CSMD3: variants seen among roughly 807,000 people sequenced by gnomAD.
The protein encoded by CSMD3 is CUB and Sushi multiple domains 3.
A neutral mutation model predicts 435.2 loss-of-function variants in CSMD3; 177 were observed. The ratio of observed to expected loss-of-function variants is 0.41; its 90% CI spans 0.36 to 0.46. CSMD3 has a LOEUF of 0.46. Among genes scored for constraint, CSMD3 ranks in the 20% least tolerant of loss-of-function variants. The probability of loss-of-function intolerance (pLI) is 0.34; values close to 1 mark genes in which losing one functional copy is unlikely to be tolerated. For synonymous variants in CSMD3, 1,656 were observed against 1,520.5 expected (o/e 1.09, Z -2.07); for missense variants, 4,265 against 4,504.6 (o/e 0.95, Z 1.52).
intron 30 of CSMD3, among the ~76,000 whole-genome samples, chr8:112,498,184 G>C (rs200502419): frequency 6.6e-6 from 1 of 151,962 alleles, no homozygotes; most frequent in African/African-American, 2.4e-5. Context: ...GTAAAATGGG[G>C]ATAGCAATAC....
chr8:112,995,453 T>C (rs1341163052), intron 6 of CSMD3, among the ~76,000 whole-genome samples: 3 of 151,476 alleles, frequency 2.0e-5, no homozygotes, highest in African/African-American at 7.3e-5. Flanking sequence ...AGTTCTAGTA[T>C]CAGAAATTTA....
chr8:112,370,082 AAGT>A (rs377246718), intron 38 of CSMD3, among the ~76,000 whole-genome samples: 59 of 103,538 alleles, frequency 5.7e-4, no homozygotes, highest in South Asian at 1.9e-3. Context: ...GAAGAAGAAG[AAGT>A]AGTAGTAGTA....
chr8:112,736,847 A>G (rs1361817754), intron 13 of CSMD3, among the ~76,000 whole-genome samples: 1 of 151,968 alleles, frequency 6.6e-6, no homozygotes, highest in African/African-American at 2.4e-5. Flanking sequence ...ACAATGGGAG[A>G]AAATCTCTGG....
At chr8:113,172,825 A>T (rs1199186377) in intron 4 of CSMD3, among the ~76,000 whole-genome samples, 1 of 152,160 alleles carries the variant, frequency 6.6e-6, no homozygotes, top group Non-Finnish European at 1.5e-5. Flanking sequence ...CTTACTAAGG[A>T]AAAAAAGAAG....
chr8:112,639,131 A>G (rs1415737150), intron 20 of CSMD3, among the ~76,000 whole-genome samples: 2 of 152,000 alleles, frequency 1.3e-5, no homozygotes, highest in Non-Finnish European at 2.9e-5. Context: ...TGTCTTGGAA[A>G]CTGCTTGAAA....
chr8:112,538,613 T>G (rs970447437), intron 27 of CSMD3, among the ~76,000 whole-genome samples: 1 of 151,916 alleles, frequency 6.6e-6, no homozygotes, highest in Non-Finnish European at 1.5e-5. Flanking sequence ...CTACAAAATA[T>G]ATAAAATACC....
intron 5 of CSMD3, among the ~76,000 whole-genome samples, chr8:113,087,555 A>G (rs2089839436): frequency 6.6e-6 from 1 of 152,120 alleles, no homozygotes; most frequent in South Asian, 2.1e-4. Context: ...ATAATGCCGC[A>G]TATCTACAAC....
intron 3 of CSMD3, among the ~76,000 whole-genome samples, chr8:113,217,288 C>T (rs745373578): frequency 6.6e-6 from 1 of 151,498 alleles, no homozygotes; most frequent in Non-Finnish European, 1.5e-5. Context: ...CCATAAAGCC[C>T]ACCATAAAAA....
chr8:113,018,869 T>G (rs1024360397), intron 6 of CSMD3, 198 bp downstream of exon 6: 2 of 588,038 alleles, frequency 3.4e-6, no homozygotes, highest in African/African-American at 1.9e-5. Flanking sequence ...ATTCTGAATA[T>G]TATACTATAA....
intron 5 of CSMD3, among the ~76,000 whole-genome samples, chr8:113,086,454 G>T (rs1364704918): frequency 6.6e-6 from 1 of 152,202 alleles, no homozygotes; most frequent in African/African-American, 2.4e-5. Flanking sequence ...TGTAGAAGTA[G>T]AAAGTGTGAA....
At chr8:112,425,980 A>G (rs1290965045) in intron 32 of CSMD3, among the ~76,000 whole-genome samples, 1 of 152,196 alleles carries the variant, frequency 6.6e-6, no homozygotes, top group East Asian at 1.9e-4. Flanking sequence ...GAAACAAAAA[A>G]TACAAGTGGT....
At chr8:113,418,673 C>T (rs1210398325) in intron 1 of CSMD3, among the ~76,000 whole-genome samples, 1 of 152,146 alleles carries the variant, frequency 6.6e-6, no homozygotes, top group East Asian at 1.9e-4. Flanking sequence ...CTGGTTCCTC[C>T]ACATGCTGTC....
At chr8:112,231,889 CAAT>C (rs1813118373) in intron 68 of CSMD3, among the ~76,000 whole-genome samples, 1 of 152,020 alleles carries the variant, frequency 6.6e-6, no homozygotes, top group African/African-American at 2.4e-5. Flanking sequence ...CATCTGCTGT[CAAT>C]AAAAAGCAAT....
chr8:112,742,062 G>A (rs1398664252), intron 13 of CSMD3, among the ~76,000 whole-genome samples: 1 of 151,814 alleles, frequency 6.6e-6, no homozygotes, highest in Non-Finnish European at 1.5e-5. Context: ...TTCTGCCACT[G>A]AGATGCTCAG....
chr8:112,880,210 C>A (rs1347224539), intron 10 of CSMD3, among the ~76,000 whole-genome samples: 4 of 152,020 alleles, frequency 2.6e-5, no homozygotes, highest in Admixed American at 6.6e-5. Context: ...TCTAGACAAT[C>A]TTTCTTTCTA....
chr8:113,241,604 G>GAAAA (rs34590401), intron 3 of CSMD3, among the ~76,000 whole-genome samples: 2 of 141,444 alleles, frequency 1.4e-5, no homozygotes, highest in Non-Finnish European at 3.1e-5. Flanking sequence ...ATTTTTTGCT[G>GAAAA]AAAAAAAAAA....
At chr8:113,302,741 G>A (rs972123178) in intron 2 of CSMD3, among the ~76,000 whole-genome samples, 1 of 147,374 alleles carries the variant, frequency 6.8e-6, no homozygotes, top group Non-Finnish European at 1.5e-5. Context: ...CAATAAATTA[G>A]GTATTGATGG....
At chr8:113,008,690 T>C (rs2086146918) in intron 6 of CSMD3, among the ~76,000 whole-genome samples, 1 of 151,722 alleles carries the variant, frequency 6.6e-6, no homozygotes, top group African/African-American at 2.4e-5. Flanking sequence ...TTTGGGAACA[T>C]GCATCTTTCT....
chr8:112,314,184 T>A, intron 48 of CSMD3, 132 bp from the exon 49 acceptor site: 1 of 757,424 alleles, frequency 1.3e-6, no homozygotes, highest in Non-Finnish European at 2.2e-6. Flanking sequence ...TTAACAATAA[T>A]TGAAAACATA....
Sources: allele counts gnomAD v4.1 joint callset (sites outside exome capture counted in the v4.1 genomes callset), GRCh38; gene constraint gnomAD v4.1.1; transcripts MANE v1.5; gene names NCBI Gene and HGNC (gene_info 2026-07-23, HGNC 2026-07-21).